MCUR1: variants seen among roughly 807,000 people sequenced by gnomAD.
MCUR1 encodes the protein mitochondrial calcium uniporter regulator 1, also known as MCU regulator 1.
In MCUR1, 37 loss-of-function variants were observed where a neutral mutation model predicts 42.0. The observed-to-expected ratio is 0.88, with a 90% CI of 0.68 to 1.16. The LOEUF is 1.16. Among genes scored for constraint, MCUR1 ranks in the 50% most tolerant of loss-of-function variants. The pLI is 0.00. For missense variants in MCUR1, 469 were observed against 468.4 expected, an observed-to-expected ratio of 1.00 and a Z score of -0.01; for synonymous variants, 229 against 196.2, an observed-to-expected ratio of 1.17 and a Z score of -1.40.
Position 13,794,746 on chromosome 6 carries a change from G to C in MCUR1, c.856-799C>G, listed in dbSNP as rs1236337017. Among the ~76,000 whole-genome samples the C allele has an allele frequency of 2.6e-5, 4 of 151,596 alleles. No individual in the cohort carries two copies. The East Asian group carries it at 7.7e-4, about 29-fold the overall frequency. On this transcript the variant is annotated intron_variant, in intron 6 of 8. Transcript: ENST00000379170. ...GGTCCCTGCAACCTCTGCCTCCCAG[G>C]TTCAAGCAATTCTCCTGCCTTAGCC...
In MCUR1 at chr6:13,813,776, C is replaced by A. The variant is rs547920884; in HGVS notation, c.415+239G>T. 3.7e-4 allele frequency among the ~76,000 whole-genome samples: 57 copies of A among 152,320 alleles called. 1 individual carries two copies. The South Asian group carries it at 0.011, about 30-fold the overall frequency. Reference sequence around the variant, plus strand: ...ACTCCCCGCCCCAGCACGCACCTCCCTCCAACTTTAGCGCCCGGGATTCCC... The same window carrying A: ...ACTCCCCGCCCCAGCACGCACCTCCATCCAACTTTAGCGCCCGGGATTCCC... On this transcript the variant is annotated intron_variant, in intron 1 of 8. Coordinates refer to ENST00000379170, the MANE Select transcript of MCUR1 (RefSeq NM_001031713.4).
rs187402293 is a variant in MCUR1, at chr6:13,808,248, A to T, written c.416-1204T>A. 1.2e-4 allele frequency among the ~76,000 whole-genome samples: 18 copies of T among 152,338 alleles called. No homozygotes were observed. The East Asian group carries it at 3.5e-3, about 29-fold the overall frequency. ...CTTCCTAGCCTCCAGAATTGCAAGA[A>T]ATGTGTCTCTTTTCTTTATAAAGTA... is the stretch of plus-strand genomic sequence containing the variant. On this transcript the variant is annotated intron_variant, in intron 1 of 8. Transcript: ENST00000379170.
rs528125186 is a variant in MCUR1 at position 13,790,600 on chromosome 6, C to T, written c.*209G>A. 20 of 331,306 alleles carry T rather than the reference C, an allele frequency of 6.0e-5. No homozygotes were observed. Among genetic ancestry groups the T allele is most frequent in the Admixed American group, 3.9e-4 (8 of 20,472 alleles). 20.5% of individuals were successfully genotyped at this position (331,306 alleles called of 1,614,324 possible). ...CCGAGTAGCTGGGACTACAGGCGCC[C>T]GCCACCACGCCCGCCTAATGTTTTA... On this transcript the variant is annotated 3_prime_UTR_variant, in exon 9 of 9. Transcript: ENST00000379170.
Position 13,793,908 on chromosome 6 carries a change from C to A in MCUR1, c.895G>T (p.Glu299Ter). The A allele has an allele frequency of 6.2e-7, 1 of 1,613,666 alleles. No individual in the cohort carries two copies. The highest frequency in any genetic ancestry group is 8.5e-7 in the Non-Finnish European group (1 of 1,179,960). ...NEKKLLELRTEIVALHAQQDR... is the reference protein window; with the variant it reads ...NEKKLLELRT ...TTGTTTCTTACCAATGCCACTATTT[C>A]TGTTCTCAATTCCAGCAGCTTCTTT... The change falls in exon 7 of 9, where the codon GAA becomes TAA. Residue 299 changes from glutamate (E) to a stop codon, truncating the protein, a stop_gained. Transcript: ENST00000379170. LOFTEE classifies it high-confidence loss of function.
chr6:13,812,324 G>A (rs779730119), intron 1 of MCUR1, among the ~76,000 whole-genome samples: 2 of 151,886 alleles, frequency 1.3e-5, no homozygotes, highest in African/African-American at 2.4e-5. Flanking sequence ...GGGCATACAT[G>A]CTTCCTTAAC....
chr6:13,809,249 T>C (rs549707541), intron 1 of MCUR1, among the ~76,000 whole-genome samples: 48 of 152,332 alleles, frequency 3.2e-4, no homozygotes, highest in African/African-American at 1.1e-3. Context: ...TGGATGTCTT[T>C]CCATTTATTT....
At position 13,791,997 on chromosome 6, in the gene MCUR1, TA is replaced by T; in HGVS notation, c.910-6del. On this transcript the variant is annotated splice_region_variant and splice_polypyrimidine_tract_variant and intron_variant, in intron 7 of 8. Coordinates refer to ENST00000379170, the MANE Select transcript of MCUR1 (RefSeq NM_001031713.4). ...GGCCCGATCTTGCTGGGCATGCTTT[TA>T]AAATGAAGAGAGTCACAGCGTTAGA... 1 of 1,610,444 alleles carries T rather than the reference TA, an allele frequency of 6.2e-7. No individual in the cohort carries two copies. The highest frequency in any genetic ancestry group is 8.5e-7 in the Non-Finnish European group (1 of 1,176,876).
At chr6:13,796,332 G>A (rs1759855326) in intron 6 of MCUR1, among the ~76,000 whole-genome samples, 1 of 147,396 alleles carries the variant, frequency 6.8e-6, no homozygotes, top group African/African-American at 2.6e-5. Context: ...CTGTCACCCA[G>A]GCTGGAGTGC....
At chr6:13,790,918 G>T in intron 8 of MCUR1, 54 bp from the exon 9 acceptor site, 1 of 1,334,556 alleles carries the variant, frequency 7.5e-7, no homozygotes, top group Non-Finnish European at 1.0e-6. Context: ...AGTTACTTGA[G>T]GGAACATCTT....
At position 13,814,137 on chromosome 6, in the gene MCUR1, C is replaced by A; in HGVS notation, c.293G>T (p.Gly98Val). 3.8e-6 allele frequency: 5 copies of A among 1,306,024 alleles called. No individual in the cohort carries two copies. Among genetic ancestry groups the A allele is most frequent in the Non-Finnish European group, 4.8e-6 (5 of 1,033,242 alleles). 80.9% of individuals were successfully genotyped at this position (1,306,024 alleles called of 1,614,324 possible). ...GCGCCCGGCCGGGGGTGCGGCATAC[C>A]CGAGGCGCGAGCGCTCCCAGTCCCC... ...QLGDWERSRLGYAAPPAGRSS... is the reference protein window; with the variant it reads ...QLGDWERSRLVYAAPPAGRSS... The change falls in exon 1 of 9, where the codon GGG becomes GTG. Residue 98 changes from glycine (G) to valine (V), a missense_variant. Coordinates refer to ENST00000379170, the MANE Select transcript of MCUR1 (RefSeq NM_001031713.4).
At chr6:13,791,045 C>T (rs1759719704) in intron 8 of MCUR1, among the ~76,000 whole-genome samples, 181 bp from the exon 9 acceptor site, 1 of 152,074 alleles carries the variant, frequency 6.6e-6, no homozygotes, top group Non-Finnish European at 1.5e-5. Flanking sequence ...ATTTTATTTT[C>T]TTATTTTAGA....
intron 4 of MCUR1, among the ~76,000 whole-genome samples, chr6:13,800,957 G>A (rs1291082143): frequency 1.3e-5 from 2 of 152,128 alleles, no homozygotes; most frequent in Non-Finnish European, 2.9e-5. Flanking sequence ...AAATGATGGG[G>A]CCTATTGATG....
intron 1 of MCUR1, among the ~76,000 whole-genome samples, chr6:13,809,463 T>C (rs1760183250): frequency 6.6e-6 from 1 of 152,172 alleles, no homozygotes; most frequent in African/African-American, 2.4e-5. Flanking sequence ...ACATTACCTT[T>C]TCTATAAGTT....
At chr6:13,795,046 A>G (rs536319366) in intron 6 of MCUR1, among the ~76,000 whole-genome samples, 1 of 152,236 alleles carries the variant, frequency 6.6e-6, no homozygotes, top group African/African-American at 2.4e-5. Flanking sequence ...ATAGAAAGAA[A>G]AAGTTAATCC....
At chr6:13,803,323 C>A (rs137987256) in intron 2 of MCUR1, among the ~76,000 whole-genome samples, 3 of 152,184 alleles carry the variant, frequency 2.0e-5, no homozygotes, top group Admixed American at 2.0e-4. Context: ...GGCCTCCCAA[C>A]GTGCTGGGAT....
intron 1 of MCUR1, among the ~76,000 whole-genome samples, chr6:13,809,449 T>C (rs1760182848): frequency 6.6e-6 from 1 of 152,208 alleles, no homozygotes; most frequent in Non-Finnish European, 1.5e-5. Flanking sequence ...TTCTAACAAT[T>C]TTTACATTAC....
rs1759674225 is a variant in MCUR1, at chr6:13,789,354, T to A, written c.*1455A>T. ...AGGCAGAGGTTGCAGTGAGCAGAGA[T>A]CACGACAATGCACTCCAGCCCTGCG... On this transcript the variant is annotated 3_prime_UTR_variant, in exon 9 of 9. Transcript: ENST00000379170. The A allele has an allele frequency of 6.7e-6, 1 of 150,052 alleles. No homozygotes were observed. Among genetic ancestry groups the A allele is most frequent in the African/African-American group, 2.5e-5 (1 of 40,552 alleles). 9.3% of individuals were successfully genotyped at this position (150,052 alleles called of 1,614,324 possible).
intron 2 of MCUR1, among the ~76,000 whole-genome samples, chr6:13,805,501 A>C (rs1387882396): frequency 6.6e-6 from 1 of 152,208 alleles, no homozygotes; most frequent in Non-Finnish European, 1.5e-5. Context: ...TATTACACTC[A>C]TACTATAGAT....
chr6:13,793,348 C>G (rs1187573716), intron 7 of MCUR1, among the ~76,000 whole-genome samples: 1 of 152,058 alleles, frequency 6.6e-6, no homozygotes, highest in Non-Finnish European at 1.5e-5. Context: ...TTCACAAAGG[C>G]CAACGGGTGG....
Sources: gnomAD v4.1 joint callset for allele counts (sites outside exome capture counted in the v4.1 genomes callset) on GRCh38, gnomAD v4.1.1 for gene constraint, MANE v1.5 for transcripts, NCBI Gene and HGNC (gene_info 2026-07-23, HGNC 2026-07-21) for gene names.